The following SHB variants were observed in gnomAD, a reference collection of about 807,000 sequenced individuals.
SHB encodes the protein SH2 domain containing adaptor protein B.
Under a neutral mutation model 52.3 loss-of-function variants are expected in SHB, and 20 were observed. The observed-to-expected ratio is 0.38, with a 90% CI of 0.27 to 0.56. SHB has a LOEUF of 0.56. Among genes scored for constraint, SHB ranks in the 20% least tolerant of loss-of-function variants. The pLI, the probability that SHB is intolerant of heterozygous loss-of-function variation, is 0.71. For synonymous variants in SHB, 397 were observed against 316.5 expected (o/e 1.25, Z -2.70); for missense variants, 825 against 723.3 (o/e 1.14, Z -1.61).
rs538911935 is a variant in SHB at position 38,038,913 on chromosome 9, A to C, written c.718-22782T>G. On this transcript the variant is annotated intron_variant, in intron 1 of 5. Transcript: ENST00000377707. ...AGAGGGAGTGTGTGCCAAAGAGAACAAAGGCAGGAATGGAGCGGGTGGGAT... is the reference window on the plus strand; with the variant it reads ...AGAGGGAGTGTGTGCCAAAGAGAACCAAGGCAGGAATGGAGCGGGTGGGAT... 2.0e-5 allele frequency among the ~76,000 whole-genome samples: 3 copies of C among 152,292 alleles called. No homozygotes were observed. The East Asian group carries it at 5.8e-4, about 29-fold the overall frequency.
At chr9:38,058,541 G>GACT (rs962687749) in intron 1 of SHB, among the ~76,000 whole-genome samples, 2 of 152,184 alleles carry the variant, frequency 1.3e-5, no homozygotes, top group Non-Finnish European at 2.9e-5. Context: ...CTCTGCTCTA[G>GACT]AATCTCCAGA....
At chr9:37,968,612 G>C (rs1820558114) in intron 3 of SHB, among the ~76,000 whole-genome samples, 1 of 152,228 alleles carries the variant, frequency 6.6e-6, no homozygotes, top group Non-Finnish European at 1.5e-5. Flanking sequence ...TTCAGATGGT[G>C]AATCGAAATG....
At position 38,016,631 on chromosome 9, in the gene SHB, G is replaced by A. The variant is rs1296261223; in HGVS notation, c.718-500C>T. ...TTCCCCAGACCTGGAACATAACCAC[G>A]CCTTGGGTCATCAGACAACAATTTG... On this transcript the variant is annotated intron_variant, in intron 1 of 5. Transcript: ENST00000377707. Among the ~76,000 whole-genome samples, 4 of 152,264 alleles carry A rather than the reference G, an allele frequency of 2.6e-5. No individual in the cohort carries two copies. The East Asian group carries it at 5.8e-4, about 22-fold the overall frequency.
Position 37,922,028 on chromosome 9 carries a change from T to A in SHB, c.1347-2024A>T, listed in dbSNP as rs558218884. On this transcript the variant is annotated intron_variant, in intron 5 of 5. Transcript: ENST00000377707. ...GGGACACTCAGCAGGGAGGAGGGTA[T>A]GACCCTGGGCACATCATTCCCCTCT... 6.6e-5 allele frequency among the ~76,000 whole-genome samples: 10 copies of A among 152,346 alleles called. No individual in the cohort carries two copies. The South Asian group carries it at 2.1e-3, about 32-fold the overall frequency.
chr9:37,975,273 G>A (rs1465935847), intron 2 of SHB, among the ~76,000 whole-genome samples: 1 of 152,050 alleles, frequency 6.6e-6, no homozygotes, highest in Non-Finnish European at 1.5e-5. Flanking sequence ...AAAAGACTGG[G>A]CCATGCAGTT....
In SHB at chr9:38,068,373, G is replaced by A. The variant is rs78046731; in HGVS notation, c.273C>T (p.Asp91=). 1.3e-3 allele frequency: 2,066 copies of A among 1,571,660 alleles called. 43 individuals are homozygous for A. In the African/African-American group the frequency reaches 0.026, roughly 20 times the overall value. Residue 91 remains aspartate, a synonymous_variant, in exon 1 of 6, where the codon GAC becomes GAT. Coordinates refer to ENST00000377707, the MANE Select transcript of SHB (RefSeq NM_003028.3). ...CAGGCCCGTTGTAGGGGTCCTCGAA[G>A]TCTCGCTCCTTCTGCGCGCGGTAGG... is the stretch of plus-strand genomic sequence containing the variant. ...IRAYRAQKER[D]FEDPYNGPGS...
chr9:38,068,061 C>A lies in SHB; in HGVS notation c.585G>T (p.Gly195=), dbSNP rs1821995512. 9 of 1,492,342 alleles carry A rather than the reference C, an allele frequency of 6.0e-6. No individual in the cohort carries two copies. The highest frequency in any genetic ancestry group is 8.0e-6 in the Non-Finnish European group (9 of 1,130,872). The allele number at this position is 1,492,342 out of a possible 1,614,324, so 92.4% of individuals were successfully genotyped here. ...LIKVESAAGG[G]AGDPLGGACA... The stretch of plus-strand genomic sequence containing the variant: ...AGGCGCCCCCCAGGGGGTCCCCGGC[C>A]CCACCGCCCGCGGCGCTCTCCACTT... Residue 195 remains glycine, a synonymous_variant, in exon 1 of 6, where the codon GGG becomes GGT. Coordinates refer to ENST00000377707, the MANE Select transcript of SHB (RefSeq NM_003028.3).
chr9:38,005,729 G>A (rs1821069482), intron 2 of SHB, among the ~76,000 whole-genome samples: 1 of 152,184 alleles, frequency 6.6e-6, no homozygotes, highest in Non-Finnish European at 1.5e-5. Context: ...CCTACTTAGA[G>A]GAGAGTACTA....
intron 3 of SHB, among the ~76,000 whole-genome samples, chr9:37,965,589 T>C (rs1820502377): frequency 6.6e-6 from 1 of 151,650 alleles, no homozygotes; most frequent in African/African-American, 2.4e-5. Flanking sequence ...TTTTTTTTTT[T>C]TTCTCGAGAC....
chr9:38,068,424 G>C lies in SHB; in HGVS notation c.222C>G (p.Ser74Arg). 6.4e-7 allele frequency: 1 copy of C among 1,562,060 alleles called. No homozygotes were observed. The highest frequency in any genetic ancestry group is 8.6e-7 in the Non-Finnish European group (1 of 1,158,134). ...CGCGGATGAGGTCGCTGGTGCTGCC[G>C]CTGTCGTCGGGCAGCGAGCCCGAAG... ...SASSGSLPDD[S>R]GSTSDLIRAY... Residue 74 changes from serine to arginine, a missense_variant, in exon 1 of 6, where the codon AGC becomes AGG. Physicochemically the swap from Ser to Arg is moderately radical, Grantham distance 110. Transcript: ENST00000377707.
rs1163110151 is a variant in SHB at position 38,033,711 on chromosome 9, C to T, written c.718-17580G>A. Among the ~76,000 whole-genome samples the T allele has an allele frequency of 3.9e-5, 6 of 152,238 alleles. No homozygotes were observed. The East Asian group carries it at 1.2e-3, about 29-fold the overall frequency. Reference sequence around the variant, plus strand: ...TTCCCATCTATCCTGGGTCCCACAACTAGAGCTGTTGCAGCCCCAGCCTCT... The same window carrying T: ...TTCCCATCTATCCTGGGTCCCACAATTAGAGCTGTTGCAGCCCCAGCCTCT... On this transcript the variant is annotated intron_variant, in intron 1 of 5. Transcript: ENST00000377707.
chr9:38,019,763 G>C (rs1027927383), intron 1 of SHB, among the ~76,000 whole-genome samples: 1 of 96,394 alleles, frequency 1.0e-5, no homozygotes, highest in Non-Finnish European at 2.3e-5. Flanking sequence ...TGTGCATAAG[G>C]GTCCATGGGA....
At chr9:37,987,858 A>C (rs1047741976) in intron 2 of SHB, among the ~76,000 whole-genome samples, 1 of 152,050 alleles carries the variant, frequency 6.6e-6, no homozygotes, top group African/African-American at 2.4e-5. Flanking sequence ...TAGTGATTAC[A>C]AACTGGTAGT....
At chr9:38,045,515 G>C (rs562084177) in intron 1 of SHB, among the ~76,000 whole-genome samples, 4 of 152,026 alleles carry the variant, frequency 2.6e-5, no homozygotes, top group Non-Finnish European at 5.9e-5. Flanking sequence ...GGAGGCTAAG[G>C]CAGGAGAATC....
chr9:38,040,801 A>T (rs1240248903), intron 1 of SHB, among the ~76,000 whole-genome samples: 2 of 151,838 alleles, frequency 1.3e-5, no homozygotes, highest in Non-Finnish European at 2.9e-5. Flanking sequence ...AGGGCTCTAG[A>T]TGCTAAAGTC....
At chr9:37,926,275 C>T (rs935630751) in intron 5 of SHB, among the ~76,000 whole-genome samples, 2 of 151,824 alleles carry the variant, frequency 1.3e-5, no homozygotes, top group Admixed American at 6.6e-5. Flanking sequence ...CTCCTCCTGC[C>T]GCCTCTTTGA....
chr9:38,050,500 G>A (rs1821725689), intron 1 of SHB, among the ~76,000 whole-genome samples: 1 of 152,042 alleles, frequency 6.6e-6, no homozygotes, highest in African/African-American at 2.4e-5. Context: ...TTCCCTTTTT[G>A]GGATTTTTTT....
intron 5 of SHB, among the ~76,000 whole-genome samples, chr9:37,930,321 C>G (rs939474605): frequency 5.3e-5 from 8 of 152,178 alleles, no homozygotes; most frequent in Admixed American, 2.0e-4. Flanking sequence ...CGCAATACAG[C>G]CCCTGCCCCA....
At chr9:37,978,367 C>T (rs1366020505) in intron 2 of SHB, among the ~76,000 whole-genome samples, 1 of 152,170 alleles carries the variant, frequency 6.6e-6, no homozygotes, top group Non-Finnish European at 1.5e-5. Context: ...TAAAACAAGC[C>T]TCCCCCACTA....
Sources: allele counts gnomAD v4.1 joint callset (sites outside exome capture counted in the v4.1 genomes callset), GRCh38; gene constraint gnomAD v4.1.1; transcripts MANE v1.5; gene names NCBI Gene and HGNC (gene_info 2026-07-23, HGNC 2026-07-21).